RAB2A: variants seen among roughly 807,000 people sequenced by gnomAD.
RAB2A encodes the protein RAB2A, member RAS oncogene family.
In RAB2A, 7 loss-of-function variants were observed where a neutral mutation model predicts 32.5. The ratio of observed to expected loss-of-function variants is 0.22; its 90% CI spans 0.12 to 0.40. The LOEUF (loss-of-function observed/expected upper bound fraction) is 0.40. Among genes scored for constraint, RAB2A ranks in the 10% least tolerant of loss-of-function variants. RAB2A has a pLI of 1.00. For synonymous variants in RAB2A, 79 were observed against 85.2 expected, an observed-to-expected ratio of 0.93 and a Z score of 0.40; for missense variants, 108 against 260.7, an observed-to-expected ratio of 0.41 and a Z score of 4.03.
chr8:60,611,315 G>A (rs73243809), intron 6 of RAB2A, among the ~76,000 whole-genome samples: 7,296 of 152,108 alleles, frequency 0.048, 426 homozygotes, highest in African/African-American at 0.14. Context: ...GTTCCTGGCC[G>A]TCCTCAGCTT....
chr8:60,517,985 G>A (rs1807236506), intron 1 of RAB2A, among the ~76,000 whole-genome samples: 1 of 152,072 alleles, frequency 6.6e-6, no homozygotes. Context: ...AGTGCTCTGG[G>A]TGTGTACTTA....
chr8:60,610,656 C>T (rs1179277174), intron 6 of RAB2A, among the ~76,000 whole-genome samples: 2 of 152,216 alleles, frequency 1.3e-5, no homozygotes, highest in Non-Finnish European at 2.9e-5. Flanking sequence ...GGCTGACTAG[C>T]ATCAGCTTCT....
intron 5 of RAB2A, among the ~76,000 whole-genome samples, chr8:60,587,493 GA>G (rs141993738): frequency 0.064 from 9,666 of 151,912 alleles, 798 homozygotes; most frequent in African/African-American, 0.19. Context: ...TTATAGTTCA[GA>G]AAAAAAATCA....
chr8:60,540,593 C>T (rs1807625947), intron 1 of RAB2A, among the ~76,000 whole-genome samples: 2 of 152,204 alleles, frequency 1.3e-5, no homozygotes, highest in South Asian at 2.1e-4. Flanking sequence ...GATTCCCGTG[C>T]CTCAGCCTCT....
At chr8:60,585,371 G>T (rs1047879066) in intron 5 of RAB2A, among the ~76,000 whole-genome samples, 1 of 152,016 alleles carries the variant, frequency 6.6e-6, no homozygotes, top group South Asian at 2.1e-4. Context: ...AGAGTGCAGT[G>T]GTGTGATCAT....
At chr8:60,550,348 C>T (rs545661109) in intron 1 of RAB2A, among the ~76,000 whole-genome samples, 2 of 152,096 alleles carry the variant, frequency 1.3e-5, no homozygotes, top group Admixed American at 6.5e-5. Flanking sequence ...CCATTTCTAG[C>T]CTTATTGAGA....
intron 1 of RAB2A, among the ~76,000 whole-genome samples, chr8:60,526,968 C>CAAAAAAAAAAAAA (rs34685368): frequency 1.1e-5 from 1 of 91,660 alleles, no homozygotes; most frequent in Non-Finnish European, 2.3e-5. Context: ...GACTCCATCT[C>CAAAAAAAAAAAAA]AAAAAAAAAA....
chr8:60,540,732 T>G (rs955196928), intron 1 of RAB2A, among the ~76,000 whole-genome samples: 3 of 152,258 alleles, frequency 2.0e-5, no homozygotes, highest in Admixed American at 6.5e-5. Flanking sequence ...TCTGCCCACC[T>G]TGGCCTTCCA....
At chr8:60,609,503 A>G (rs1189372817) in intron 6 of RAB2A, among the ~76,000 whole-genome samples, 1 of 152,144 alleles carries the variant, frequency 6.6e-6, no homozygotes, top group Non-Finnish European at 1.5e-5. Context: ...CAACCCCCAC[A>G]TGGTAGATAA....
At chr8:60,579,187 C>T (rs1334866003) in intron 3 of RAB2A, among the ~76,000 whole-genome samples, 1 of 152,102 alleles carries the variant, frequency 6.6e-6, no homozygotes, top group African/African-American at 2.4e-5. Flanking sequence ...GGATTACAGG[C>T]ACGTGCCACC....
chr8:60,557,115 A>T (rs1242275499), intron 1 of RAB2A, among the ~76,000 whole-genome samples: 1 of 152,346 alleles, frequency 6.6e-6, no homozygotes, highest in East Asian at 1.9e-4. Context: ...AAAATTGGGT[A>T]AAATGAGTTT....
At chr8:60,586,383 TAA>T (rs34190681) in intron 5 of RAB2A, among the ~76,000 whole-genome samples, 34,437 of 143,200 alleles carry the variant, frequency 0.24, 4,017 homozygotes, top group Middle Eastern at 0.39. Context: ...TCCTGCCCGT[TAA>T]AAAAAAAAGA....
At chr8:60,547,716 C>A (rs1263419326) in intron 1 of RAB2A, among the ~76,000 whole-genome samples, 1 of 108,096 alleles carries the variant, frequency 9.3e-6, no homozygotes, top group African/African-American at 3.5e-5. Context: ...GACCCCCCCA[C>A]CTCCCTCCCG....
At chr8:60,589,385 G>T (rs2130852160) in intron 5 of RAB2A, among the ~76,000 whole-genome samples, 1 of 152,294 alleles carries the variant, frequency 6.6e-6, no homozygotes, top group South Asian at 2.1e-4. Flanking sequence ...ATTATTTTTA[G>T]ATGAATTGAA....
intron 1 of RAB2A, among the ~76,000 whole-genome samples, chr8:60,542,462 G>A (rs1216068849): frequency 2.0e-5 from 3 of 152,064 alleles, no homozygotes; most frequent in Admixed American, 6.6e-5. Context: ...TGCAGTGAGT[G>A]TCGAGATCGC....
At chr8:60,597,593 CAAAAG>C (rs970958213) in intron 6 of RAB2A, among the ~76,000 whole-genome samples, 54 of 151,674 alleles carry the variant, frequency 3.6e-4, no homozygotes, top group African/African-American at 8.2e-4. Context: ...TTTAAAAAAA[CAAAAG>C]AAAAGAAGTC....
At position 60,574,904 on chromosome 8, in the gene RAB2A, G is replaced by A. The variant is rs7833549; in HGVS notation, c.186+2791G>A. Among the ~76,000 whole-genome samples the A allele has an allele frequency of 3.1e-3, 465 of 152,188 alleles. 3 individuals are homozygous for A. The highest frequency in any genetic ancestry group is 3.8e-3 in the Non-Finnish European group (260 of 68,008). ...CTATTTCTGAGAGAGATGGTGGTCCGTTTAAAGACATCATAACATCCCAGA... is the reference window on the plus strand; with the variant it reads ...CTATTTCTGAGAGAGATGGTGGTCCATTTAAAGACATCATAACATCCCAGA... On this transcript the variant is annotated intron_variant, in intron 3 of 7. Transcript: ENST00000262646.
chr8:60,517,108 G>T lies in RAB2A; in HGVS notation c.-100G>T. The T allele has an allele frequency of 7.9e-7, 1 of 1,266,076 alleles. No homozygotes were observed. The highest frequency in any genetic ancestry group is 1.0e-6 in the Non-Finnish European group (1 of 959,882). 78.4% of individuals were successfully genotyped at this position (1,266,076 alleles called of 1,614,324 possible). On this transcript the variant is annotated 5_prime_UTR_variant, in exon 1 of 8. Transcript: ENST00000262646. The stretch of plus-strand genomic sequence containing the variant: ...AGCAGCAGCGGCGGCGGCGGGCGGC[G>T]CCTGGCGTTTCGAGGCTGAGCGGCA...
chr8:60,583,393 A>G (rs994269620), intron 3 of RAB2A, among the ~76,000 whole-genome samples: 2 of 148,480 alleles, frequency 1.3e-5, no homozygotes, highest in Non-Finnish European at 2.9e-5. Context: ...CTCCCCAGCA[A>G]TTCTTAAAAA....
Sources: allele counts gnomAD v4.1 joint callset (sites outside exome capture counted in the v4.1 genomes callset), GRCh38; gene constraint gnomAD v4.1.1; transcripts MANE v1.5; gene names NCBI Gene and HGNC (gene_info 2026-07-23, HGNC 2026-07-21).